The following ELL2 variants were observed in gnomAD, a reference collection of about 807,000 sequenced individuals.
ELL2 encodes the protein elongation factor for RNA polymerase II 2, also known as RNA polymerase II elongation factor ELL2.
A neutral mutation model predicts 72.8 loss-of-function variants in ELL2; 21 were observed. The ratio of observed to expected loss-of-function variants is 0.29; its 90% CI spans 0.20 to 0.42. The LOEUF is 0.42. ELL2 is among the 10% of genes least tolerant of loss of function. The pLI is 1.00. For synonymous variants in ELL2, 266 were observed against 283.2 expected, an observed-to-expected ratio of 0.94 and a Z score of 0.61; for missense variants, 568 against 772.8, an observed-to-expected ratio of 0.73 and a Z score of 3.14.
chr5:95,931,796 TAAAAAAAAAAA>T (rs368583353), intron 2 of ELL2, among the ~76,000 whole-genome samples: 4 of 72,546 alleles, frequency 5.5e-5, no homozygotes, highest in African/African-American at 2.0e-4. Context: ...GCCCTATCCA[TAAAAAAAAAAA>T]AAAAAAAAAA....
At chr5:95,902,043 G>A (rs1421148762) in intron 5 of ELL2, among the ~76,000 whole-genome samples, 1 of 152,174 alleles carries the variant, frequency 6.6e-6, no homozygotes, top group African/African-American at 2.4e-5. Context: ...CCACGGATAA[G>A]GACTACTGTA....
chr5:95,915,233 G>C (rs1415205774), intron 3 of ELL2, among the ~76,000 whole-genome samples: 1 of 152,136 alleles, frequency 6.6e-6, no homozygotes, highest in Non-Finnish European at 1.5e-5. Context: ...CTCCCAAGTA[G>C]CTGGGACTAC....
intron 4 of ELL2, among the ~76,000 whole-genome samples, chr5:95,909,175 T>C (rs906378153): frequency 5.3e-5 from 8 of 152,156 alleles, no homozygotes; most frequent in African/African-American, 1.9e-4. Context: ...GTATGATGTT[T>C]GGCAAGAAAG....
intron 5 of ELL2, among the ~76,000 whole-genome samples, chr5:95,905,300 C>T (rs895622089): frequency 6.6e-6 from 1 of 152,054 alleles, no homozygotes. Context: ...TACACAATCA[C>T]ATAATTACTG....
intron 2 of ELL2, among the ~76,000 whole-genome samples, chr5:95,937,845 AC>A (rs1385005153): frequency 6.6e-6 from 1 of 152,220 alleles, no homozygotes; most frequent in Non-Finnish European, 1.5e-5. Context: ...GGCTAGCCAA[AC>A]CAAAACATCA....
In ELL2 at chr5:95,927,465, G is replaced by A. The variant is rs1401381138; in HGVS notation, c.196-7920C>T. 6.2e-5 allele frequency among the ~76,000 whole-genome samples: 2 copies of A among 32,246 alleles called. 1 individual carries two copies. The highest frequency in any genetic ancestry group is 6.3e-4 in the African/African-American group (2 of 3,198). The allele number at this position is 32,246 out of a possible 152,430, so 21.2% of individuals were successfully genotyped here. A position where few individuals can be genotyped will look rare whatever the true frequency, so the allele number is the denominator to read the frequency against. ...TATATAGACATACACACACACGTGTGTATATAGACATACACACACGTGTGT... is the reference window on the plus strand; with the variant it reads ...TATATAGACATACACACACACGTGTATATATAGACATACACACACGTGTGT... On this transcript the variant is annotated intron_variant, in intron 2 of 11. Transcript: ENST00000237853.
chr5:95,890,953 T>A (rs1748638812), intron 10 of ELL2, 150 bp downstream of exon 10: 1 of 892,708 alleles, frequency 1.1e-6, no homozygotes, highest in Admixed American at 2.1e-5. Flanking sequence ...CAAGAACTAT[T>A]TCAAATATTT....
rs1748986245 is a variant in ELL2, at chr5:95,898,682, T to C, written c.1083A>G (p.Ala361=). 6.2e-7 allele frequency: 1 copy of C among 1,612,948 alleles called. No individual in the cohort carries two copies. Among genetic ancestry groups the C allele is most frequent in the South Asian group, 1.1e-5 (1 of 90,886 alleles). ...HLNPTSEKSA[A]GLPLPPAAAA... ...CAGCCGCAGGGGGCAGCGGGAGGCC[T>C]GCAGCAGATTTTTCACTGGTGGGAT... Residue 361 remains alanine (A), a synonymous_variant, in exon 8 of 12, where the codon GCA becomes GCG. Coordinates refer to ENST00000237853, the MANE Select transcript of ELL2 (RefSeq NM_012081.6).
Position 95,922,312 on chromosome 5 carries a change from T to C in ELL2, c.196-2767A>G, listed in dbSNP as rs554382136. ...CTCCTGACCTCGTGATCTGCTGGCC[T>C]TGGCCTCCCAAAGTGCTGGGATTAC... On this transcript the variant is annotated intron_variant, in intron 2 of 11. Coordinates refer to ENST00000237853, the MANE Select transcript of ELL2 (RefSeq NM_012081.6). Among the ~76,000 whole-genome samples, 30 of 152,364 alleles carry C rather than the reference T, an allele frequency of 2.0e-4. No individual in the cohort carries two copies. In the East Asian group the frequency reaches 5.2e-3, roughly 26 times the overall value.
chr5:95,959,370 C>A (rs1467741421), intron 1 of ELL2, among the ~76,000 whole-genome samples: 1 of 152,204 alleles, frequency 6.6e-6, no homozygotes, highest in Non-Finnish European at 1.5e-5. Context: ...CTGCTGACTT[C>A]TTTTTCTCTG....
At chr5:95,923,482 C>A (rs1289497771) in intron 2 of ELL2, among the ~76,000 whole-genome samples, 1 of 152,194 alleles carries the variant, frequency 6.6e-6, no homozygotes, top group Non-Finnish European at 1.5e-5. Context: ...GGCATCAGGG[C>A]AAATAGTGTT....
At chr5:95,926,800 T>C (rs1750296562) in intron 2 of ELL2, among the ~76,000 whole-genome samples, 1 of 152,154 alleles carries the variant, frequency 6.6e-6, no homozygotes, top group Non-Finnish European at 1.5e-5. Context: ...TTGGAGAAAA[T>C]ATCATCGACG....
At chr5:95,889,857 C>A (rs2112263202) in intron 10 of ELL2, among the ~76,000 whole-genome samples, 1 of 142,484 alleles carries the variant, frequency 7.0e-6, no homozygotes, top group Middle Eastern at 4.1e-3. Context: ...CACTGGAAAC[C>A]AGTAACAGTG....
At chr5:95,950,174 T>C (rs1320747812) in intron 1 of ELL2, among the ~76,000 whole-genome samples, 1 of 152,146 alleles carries the variant, frequency 6.6e-6, no homozygotes, top group East Asian at 1.9e-4. Context: ...CTTGCACTAG[T>C]AAAAAGTAAA....
At chr5:95,893,487 C>T (rs966929043) in intron 9 of ELL2, among the ~76,000 whole-genome samples, 1 of 152,180 alleles carries the variant, frequency 6.6e-6, no homozygotes, top group African/African-American at 2.4e-5. Context: ...CGGGTTCACA[C>T]CATTCTCCTG....
chr5:95,895,832 A>G, intron 8 of ELL2, 141 bp from the exon 9 acceptor site: 1 of 733,340 alleles, frequency 1.4e-6, no homozygotes, highest in South Asian at 1.7e-5. Flanking sequence ...ACAGTGAGCA[A>G]GGAATACAAT....
chr5:95,900,663 CA>C, intron 7 of ELL2, 29 bp downstream of exon 7: 1 of 1,486,664 alleles, frequency 6.7e-7, no homozygotes, highest in South Asian at 1.3e-5. Context: ...ATATCTATGT[CA>C]GGTCTATAAT....
At chr5:95,931,796 TAAAAAAA>T (rs368583353) in intron 2 of ELL2, among the ~76,000 whole-genome samples, 9 of 72,546 alleles carry the variant, frequency 1.2e-4, no homozygotes, top group African/African-American at 3.3e-4. Context: ...GCCCTATCCA[TAAAAAAA>T]AAAAAAAAAA....
At chr5:95,890,441 C>T (rs1748618327) in intron 10 of ELL2, among the ~76,000 whole-genome samples, 1 of 152,196 alleles carries the variant, frequency 6.6e-6, no homozygotes, top group Non-Finnish European at 1.5e-5. Flanking sequence ...GTTATCTAGC[C>T]CACACGGGAG....
Sources: allele counts gnomAD v4.1 joint callset (sites outside exome capture counted in the v4.1 genomes callset), GRCh38; gene constraint gnomAD v4.1.1; transcripts MANE v1.5; gene names NCBI Gene and HGNC (gene_info 2026-07-23, HGNC 2026-07-21).